The following ERBB4 variants were observed in gnomAD, a reference collection of about 807,000 sequenced individuals.
ERBB4 encodes the protein erb-b2 receptor tyrosine kinase 4, also known as receptor tyrosine-protein kinase erbB-4.
A neutral mutation model predicts 158.0 loss-of-function variants in ERBB4; 42 were observed. The ratio of observed to expected loss-of-function variants is 0.27; its 90% CI spans 0.21 to 0.34. The LOEUF (loss-of-function observed/expected upper bound fraction) is 0.34. Ranked by LOEUF, ERBB4 falls within the 10% of genes least tolerant of loss-of-function variation. The probability of loss-of-function intolerance (pLI) is 1.00; values close to 1 mark genes in which losing one functional copy is unlikely to be tolerated. For synonymous variants in ERBB4, 583 were observed against 558.7 expected (o/e 1.04, Z -0.61); for missense variants, 1,333 against 1,624.1 (o/e 0.82, Z 3.08).
At chr2:211,695,836 T>A (rs541533626) in intron 12 of ERBB4, among the ~76,000 whole-genome samples, 2 of 152,334 alleles carry the variant, frequency 1.3e-5, no homozygotes, top group Admixed American at 1.3e-4. Flanking sequence ...TCACATTACA[T>A]GTGTATATAT....
At chr2:212,132,528 GAAAATGGAATTTTCTCTC>G (rs2125587304) in intron 1 of ERBB4, among the ~76,000 whole-genome samples, 1 of 152,196 alleles carries the variant, frequency 6.6e-6, no homozygotes, top group Admixed American at 6.5e-5. Context: ...AAAGGCAGAG[GAAAATGGAATTTTCTCTC>G]TGCCTGACTG....
chr2:211,661,117 T>A (rs1004703557), intron 15 of ERBB4, among the ~76,000 whole-genome samples: 2 of 152,050 alleles, frequency 1.3e-5, no homozygotes, highest in African/African-American at 2.4e-5. Context: ...TGTAGGATAT[T>A]TGAGATTCAA....
intron 1 of ERBB4, among the ~76,000 whole-genome samples, chr2:212,363,988 C>T (rs2089789334): frequency 6.6e-6 from 1 of 151,690 alleles, no homozygotes; most frequent in Non-Finnish European, 1.5e-5. Context: ...AACTGTGAAA[C>T]ACATCTAGTG....
At chr2:212,443,911 A>G (rs1438853527) in intron 1 of ERBB4, among the ~76,000 whole-genome samples, 2 of 152,164 alleles carry the variant, frequency 1.3e-5, no homozygotes, top group African/African-American at 4.8e-5. Context: ...TCATCAAGTC[A>G]CCATGTGACC....
chr2:212,193,573 GT>G (rs199713955), intron 1 of ERBB4, among the ~76,000 whole-genome samples: 12 of 150,680 alleles, frequency 8.0e-5, no homozygotes, highest in South Asian at 4.2e-4. Flanking sequence ...AAACAGAAAG[GT>G]TTTTTTTTAA....
At chr2:211,426,593 C>CAAGA (rs1159993867) in intron 22 of ERBB4, among the ~76,000 whole-genome samples, 1 of 151,928 alleles carries the variant, frequency 6.6e-6, no homozygotes, top group Non-Finnish European at 1.5e-5. Context: ...CCCTGAGTAA[C>CAAGA]AAGATTTTCC....
intron 25 of ERBB4, among the ~76,000 whole-genome samples, chr2:211,390,985 G>T (rs1388826129): frequency 6.6e-6 from 1 of 152,048 alleles, no homozygotes; most frequent in African/African-American, 2.4e-5. Flanking sequence ...CCCGTGGAAG[G>T]GCAATGCAGC....
chr2:212,467,482 G>T (rs561695270), intron 1 of ERBB4, among the ~76,000 whole-genome samples: 2 of 152,334 alleles, frequency 1.3e-5, no homozygotes, highest in South Asian at 2.1e-4. Context: ...CCAACATAGA[G>T]CTCAGGCTGT....
At chr2:211,770,830 T>C (rs2075673457) in intron 4 of ERBB4, among the ~76,000 whole-genome samples, 1 of 152,180 alleles carries the variant, frequency 6.6e-6, no homozygotes, top group African/African-American at 2.4e-5. Context: ...GCCTGTGATA[T>C]ACCAGGCCCA....
intron 19 of ERBB4, among the ~76,000 whole-genome samples, chr2:211,604,813 T>C (rs1193739346): frequency 1.3e-5 from 2 of 152,220 alleles, no homozygotes; most frequent in Non-Finnish European, 2.9e-5. Flanking sequence ...GTAGTATTAA[T>C]AGAAATACCT....
At chr2:211,401,664 C>A (rs1051535124) in intron 25 of ERBB4, among the ~76,000 whole-genome samples, 1 of 152,002 alleles carries the variant, frequency 6.6e-6, no homozygotes, top group South Asian at 2.1e-4. Flanking sequence ...AAATTGAGAT[C>A]TGAAGCCTTT....
intron 1 of ERBB4, among the ~76,000 whole-genome samples, chr2:212,220,697 C>T (rs114525636): frequency 0.014 from 2,137 of 151,426 alleles, 43 homozygotes; most frequent in African/African-American, 0.049. Flanking sequence ...TCCCTCCCTG[C>T]TATATTCAAT....
chr2:211,714,860 C>T (rs1339331651), intron 7 of ERBB4, among the ~76,000 whole-genome samples: 1 of 152,164 alleles, frequency 6.6e-6, no homozygotes, highest in Non-Finnish European at 1.5e-5. Flanking sequence ...ACTGCATAAG[C>T]AAATGGTTAA....
chr2:211,734,397 A>T lies in ERBB4; in HGVS notation c.623-9203T>A, dbSNP rs138849522. ...TTGATACATGATTTTTTGAAGACTAATTTGTCTCTATCAAATTTGTGTATG... is the reference window on the plus strand; with the variant it reads ...TTGATACATGATTTTTTGAAGACTATTTTGTCTCTATCAAATTTGTGTATG... On this transcript the variant is annotated intron_variant, in intron 5 of 27. Transcript: ENST00000342788. Among the ~76,000 whole-genome samples, 469 of 152,168 alleles carry T rather than the reference A, an allele frequency of 3.1e-3. 4 individuals are homozygous for T. Among genetic ancestry groups the T allele is most frequent in the Middle Eastern group, 0.014 (4 of 292 alleles).
intron 1 of ERBB4, among the ~76,000 whole-genome samples, chr2:212,282,213 A>T (rs552979102): frequency 1.3e-5 from 2 of 151,972 alleles, no homozygotes; most frequent in East Asian, 3.9e-4. Context: ...CACCACAGGG[A>T]TATGTATTTT....
At chr2:212,191,403 C>G (rs543746438) in intron 1 of ERBB4, among the ~76,000 whole-genome samples, 1 of 68,482 alleles carries the variant, frequency 1.5e-5, no homozygotes, top group African/African-American at 5.0e-5. Flanking sequence ...TATTAGGAAA[C>G]AGAAAATTTT....
At chr2:211,901,432 G>A (rs1310815340) in intron 3 of ERBB4, among the ~76,000 whole-genome samples, 3 of 152,144 alleles carry the variant, frequency 2.0e-5, no homozygotes, top group African/African-American at 7.2e-5. Context: ...GGCAGGAATA[G>A]TCAGTGACCT....
intron 4 of ERBB4, among the ~76,000 whole-genome samples, chr2:211,756,015 A>T (rs1462782608): frequency 6.6e-6 from 1 of 152,204 alleles, no homozygotes; most frequent in African/African-American, 2.4e-5. Flanking sequence ...GTGAGAGAAT[A>T]ATACCTTTTT....
At chr2:212,330,476 GC>G (rs1266540460) in intron 1 of ERBB4, among the ~76,000 whole-genome samples, 1 of 151,854 alleles carries the variant, frequency 6.6e-6, no homozygotes, top group Non-Finnish European at 1.5e-5. Context: ...AACAAAGCAG[GC>G]ATGGTGGCGG....
Sources: allele counts gnomAD v4.1 joint callset (sites outside exome capture counted in the v4.1 genomes callset), GRCh38; gene constraint gnomAD v4.1.1; transcripts MANE v1.5; gene names NCBI Gene and HGNC (gene_info 2026-07-23, HGNC 2026-07-21).